Variants in TK2 observed in about 807,000 individuals in gnomAD.
TK2 encodes the protein thymidine kinase 2, also known as thymidine kinase 2, mitochondrial.
In TK2, 35 loss-of-function variants were observed where a neutral mutation model predicts 41.9. That is an observed-to-expected ratio of 0.84 (90% confidence interval 0.64 to 1.11). The LOEUF is 1.11. Ranked by LOEUF, TK2 falls within the 50% of genes least tolerant of loss-of-function variation. TK2 has a pLI of 0.00. For synonymous variants in TK2, 128 were observed against 129.1 expected (o/e 0.99, Z 0.06); for missense variants, 320 against 351.1 (o/e 0.91, Z 0.71).
At chr16:66,541,262 G>A (rs1486450251) in intron 3 of TK2, among the ~76,000 whole-genome samples, 1 of 152,116 alleles carries the variant, frequency 6.6e-6, no homozygotes, top group Non-Finnish European at 1.5e-5. Context: ...CTGGTCTCAA[G>A]CATTTCAGAT....
chr16:66,522,360 A>G (rs1252791897), intron 6 of TK2, among the ~76,000 whole-genome samples: 1 of 152,188 alleles, frequency 6.6e-6, no homozygotes, highest in Non-Finnish European at 1.5e-5. Context: ...GTCCCCAACC[A>G]CAAGCCACAG....
At chr16:66,522,701 T>C (rs1321416594) in intron 6 of TK2, among the ~76,000 whole-genome samples, 1 of 152,010 alleles carries the variant, frequency 6.6e-6, no homozygotes, top group Non-Finnish European at 1.5e-5. Flanking sequence ...ACCCCATCTA[T>C]ACTAAAAATA....
At chr16:66,520,613 G>A (rs990686515) in intron 6 of TK2, among the ~76,000 whole-genome samples, 6 of 152,202 alleles carry the variant, frequency 3.9e-5, no homozygotes, top group African/African-American at 1.2e-4. Context: ...TCCAACCAGC[G>A]AGTGAGAAGC....
rs558677780 is a variant in TK2, at chr16:66,515,680, G to C, written c.618+1456C>G. Among the ~76,000 whole-genome samples, 4 of 152,328 alleles carry C rather than the reference G, an allele frequency of 2.6e-5. No individual in the cohort carries two copies. In the East Asian group the frequency reaches 7.7e-4, roughly 29 times the overall value. Reference sequence around the variant, plus strand: ...GGATCACGGCTTGGACGGCCCCCAGGCTTGGGGAGCATCTGGGTCACTGCA... The same window carrying C: ...GGATCACGGCTTGGACGGCCCCCAGCCTTGGGGAGCATCTGGGTCACTGCA... On this transcript the variant is annotated intron_variant, in intron 8 of 9. Transcript: ENST00000544898.
chr16:66,516,418 A>C (rs1964615156), intron 8 of TK2, among the ~76,000 whole-genome samples: 1 of 152,240 alleles, frequency 6.6e-6, no homozygotes, highest in Non-Finnish European at 1.5e-5. Flanking sequence ...CCGGGTCATA[A>C]GCCGTATTAC....
intron 4 of TK2, 96 bp from the exon 5 acceptor site, chr16:66,531,565 A>C: frequency 8.5e-7 from 1 of 1,182,668 alleles, no homozygotes; most frequent in South Asian, 1.3e-5. Flanking sequence ...AGAAACCTAC[A>C]CAGGCAGGGT....
intron 1 of TK2, chr16:66,549,507 G>T (rs1025730974): frequency 9.6e-7 from 1 of 1,037,278 alleles, no homozygotes. Flanking sequence ...ACCCGTTTCT[G>T]TGTGGGTCCC....
Position 66,511,935 on chromosome 16 carries a change from T to C in TK2, c.*33A>G, listed in dbSNP as rs374792185. On this transcript the variant is annotated 3_prime_UTR_variant, in exon 10 of 10. Transcript: ENST00000544898. ...ATAGCTAACTTGGCAGCAGCAGGCA[T>C]TTTTCAGACATGAGCCATAGACCTT... The C allele has an allele frequency of 6.9e-6, 11 of 1,602,444 alleles. No individual in the cohort carries two copies. The highest frequency in any genetic ancestry group is 9.4e-6 in the Non-Finnish European group (11 of 1,169,452).
rs1965718053 is a variant in TK2 at position 66,549,550 on chromosome 16, C to T, written c.124+388G>A. The stretch of plus-strand genomic sequence containing the variant: ...AGGGAGGGCAGGAGAGCGCCGGGGG[C>T]GTAACCCCCCTCCCCCACGCTGGCA... On this transcript the variant is annotated intron_variant, in intron 1 of 9. Coordinates refer to ENST00000544898, the MANE Select transcript of TK2 (RefSeq NM_004614.5). 10 of 1,055,142 alleles carry T rather than the reference C, an allele frequency of 9.5e-6. No homozygotes were observed. The African/African-American group carries it at 1.3e-4, about 14-fold the overall frequency. 65.4% of individuals were successfully genotyped at this position (1,055,142 alleles called of 1,614,324 possible). A position where few individuals can be genotyped will look rare whatever the true frequency, so the allele number is the denominator to read the frequency against.
chr16:66,529,921 A>C (rs1965056821), intron 5 of TK2, among the ~76,000 whole-genome samples: 2 of 152,012 alleles, frequency 1.3e-5, no homozygotes, highest in Admixed American at 1.3e-4. Context: ...CCTTCTGCTC[A>C]TCTTTCCTGG....
chr16:66,508,122 A>G lies in TK2; in HGVS notation c.*3846T>C, dbSNP rs953834335. 6.6e-6 allele frequency: 1 copy of G among 152,372 alleles called. No homozygotes were observed. The highest frequency in any genetic ancestry group is 1.9e-4 in the East Asian group (1 of 5,186). The allele number at this position is 152,372 out of a possible 1,614,324, so 9.4% of individuals were successfully genotyped here. A position where few individuals can be genotyped will look rare whatever the true frequency, so the allele number is the denominator to read the frequency against. ...TGTGTTCCACAGAGCCCAGTCTGGT[A>G]AACAACAGTCTTAAAGAAAAAAAAA... On this transcript the variant is annotated 3_prime_UTR_variant, in exon 10 of 10. Coordinates refer to ENST00000544898, the MANE Select transcript of TK2 (RefSeq NM_004614.5).
intron 5 of TK2, among the ~76,000 whole-genome samples, 181 bp downstream of exon 5, chr16:66,531,199 G>A (rs771558028): frequency 7.2e-5 from 11 of 152,174 alleles, no homozygotes; most frequent in Admixed American, 1.3e-4. Flanking sequence ...GCAGGTGGGG[G>A]CACTAGAGGC....
At chr16:66,542,302 C>T (rs566047700) in intron 2 of TK2, among the ~76,000 whole-genome samples, 3 of 151,984 alleles carry the variant, frequency 2.0e-5, no homozygotes, top group Non-Finnish European at 4.4e-5. Flanking sequence ...GCCTCCTTAA[C>T]GAGAGCTTAA....
chr16:66,544,995 G>A (rs552615282), intron 2 of TK2, among the ~76,000 whole-genome samples: 3 of 151,452 alleles, frequency 2.0e-5, no homozygotes, highest in African/African-American at 7.3e-5. Context: ...GCTGATGCAA[G>A]AGAATCGCTT....
chr16:66,545,214 C>T (rs2144476619), intron 2 of TK2, among the ~76,000 whole-genome samples: 1 of 152,060 alleles, frequency 6.6e-6, no homozygotes, highest in East Asian at 1.9e-4. Context: ...CTGATCAAAC[C>T]TTATTACACA....
chr16:66,516,788 G>A (rs934573206), intron 8 of TK2, among the ~76,000 whole-genome samples: 1 of 152,098 alleles, frequency 6.6e-6, no homozygotes, highest in Non-Finnish European at 1.5e-5. Flanking sequence ...GCATTCTAGG[G>A]AGGACACAGA....
chr16:66,532,682 T>G (rs1485220875), intron 4 of TK2, among the ~76,000 whole-genome samples: 1 of 151,212 alleles, frequency 6.6e-6, no homozygotes, highest in Non-Finnish European at 1.5e-5. Flanking sequence ...AAGTGAAAGA[T>G]CTATACAAGG....
intron 2 of TK2, 21 bp from the exon 3 acceptor site, chr16:66,541,974 A>G (rs1463907949): frequency 1.9e-6 from 3 of 1,613,576 alleles, no homozygotes; most frequent in Non-Finnish European, 2.5e-6. Flanking sequence ...ACGAATGCAT[A>G]TTAGAGCCAG....
At chr16:66,533,956 C>T (rs1353431613) in intron 4 of TK2, among the ~76,000 whole-genome samples, 3 of 132,816 alleles carry the variant, frequency 2.3e-5, no homozygotes, top group African/African-American at 5.9e-5. Context: ...TGCAGTGAGC[C>T]GAGATCGCGC....
Sources: allele counts gnomAD v4.1 joint callset (sites outside exome capture counted in the v4.1 genomes callset), GRCh38; gene constraint gnomAD v4.1.1; transcripts MANE v1.5; gene names NCBI Gene and HGNC (gene_info 2026-07-23, HGNC 2026-07-21).